The following TCF4 variants were observed in gnomAD, a reference collection of about 807,000 sequenced individuals.
TCF4 encodes transcription factor 4.
Under a neutral mutation model 82.1 loss-of-function variants are expected in TCF4, and 3 were observed. That is an observed-to-expected ratio of 0.04 (90% CI 0.02 to 0.09). The LOEUF (loss-of-function observed/expected upper bound fraction) is 0.09. Among genes scored for constraint, TCF4 ranks in the 10% least tolerant of loss-of-function variants. The pLI is 1.00. For synonymous variants in TCF4, 276 were observed against 309.6 expected, an observed-to-expected ratio of 0.89 and a Z score of 1.14; for missense variants, 518 against 852.7, an observed-to-expected ratio of 0.61 and a Z score of 4.89.
At chr18:55,560,957 T>C (rs919063563) in intron 3 of TCF4, among the ~76,000 whole-genome samples, 1 of 152,248 alleles carries the variant, frequency 6.6e-6, no homozygotes, top group Non-Finnish European at 1.5e-5. Flanking sequence ...CCCAAAGCAT[T>C]CCATGGTTCT....
intron 15 of TCF4, among the ~76,000 whole-genome samples, chr18:55,254,067 G>A (rs561017512): frequency 6.6e-6 from 1 of 152,270 alleles, no homozygotes; most frequent in African/African-American, 2.4e-5. Flanking sequence ...GCTCTAATAC[G>A]TGGCAAACTG....
intron 8 of TCF4, among the ~76,000 whole-genome samples, chr18:55,294,890 T>A (rs2066091767): frequency 6.6e-6 from 1 of 152,164 alleles, no homozygotes; most frequent in Non-Finnish European, 1.5e-5. Context: ...TCCGGATTTT[T>A]AAAATAACAG....
At chr18:55,384,824 A>G (rs1053909620) in intron 6 of TCF4, among the ~76,000 whole-genome samples, 4 of 152,070 alleles carry the variant, frequency 2.6e-5, no homozygotes, top group Admixed American at 6.6e-5. Flanking sequence ...GGGTCAGTGG[A>G]TGGGGATGGA....
At chr18:55,283,274 C>T (rs1158695964) in intron 8 of TCF4, among the ~76,000 whole-genome samples, 1 of 150,816 alleles carries the variant, frequency 6.6e-6, no homozygotes, top group Non-Finnish European at 1.5e-5. Context: ...TATTTCTGCA[C>T]TCATCAAAGA....
chr18:55,422,862 T>C (rs1298061489), intron 5 of TCF4, among the ~76,000 whole-genome samples: 2 of 152,142 alleles, frequency 1.3e-5, no homozygotes, highest in Non-Finnish European at 2.9e-5. Flanking sequence ...TTTATGATGA[T>C]GAATGCAGCT....
intron 15 of TCF4, among the ~76,000 whole-genome samples, chr18:55,250,391 C>A (rs2054636539): frequency 6.6e-6 from 1 of 152,150 alleles, no homozygotes; most frequent in Non-Finnish European, 1.5e-5. Flanking sequence ...TTTTGCCAAC[C>A]AACACTTATC....
At chr18:55,635,669 A>G (rs2097735659) in intron 1 of TCF4, 3 of 1,532,016 alleles carry the variant, frequency 2.0e-6, no homozygotes, top group Non-Finnish European at 1.8e-6. Flanking sequence ...AGTTTCTACT[A>G]AGATGCTAAA....
intron 11 of TCF4, chr18:55,266,845 G>A (rs1274381611): frequency 1.3e-5 from 2 of 152,268 alleles, no homozygotes; most frequent in Non-Finnish European, 2.9e-5. Flanking sequence ...GAGAACAGAA[G>A]AAGAAAGGGA....
Position 55,604,235 on chromosome 18 carries a change from T to A in TCF4, c.287-17099A>T, listed in dbSNP as rs111817970. On this transcript the variant is annotated intron_variant, in intron 2 of 20. Coordinates refer to the TCF4 transcript ENST00000398339. ...ACTTCATCAGTTTTTTGTTTTTTTT[T>A]AAAAAAAGCCGATTCTTCCCTTTTT... Among the ~76,000 whole-genome samples, 1,084 of 147,532 alleles carry A rather than the reference T, an allele frequency of 7.3e-3. 9 individuals carry two copies. The highest frequency in any genetic ancestry group is 0.029 in the East Asian group (149 of 5,054).
Position 55,403,695 on chromosome 18 carries a change from T to C in TCF4, c.305-177A>G, listed in dbSNP as rs769750748. On this transcript the variant is annotated intron_variant, in intron 5 of 19. Transcript: ENST00000354452. ...CTTCCTCACTCTGGCTATGATAAAC[T>C]GGAAAAAAATATCCTTCATTCCTAT... is the stretch of plus-strand genomic sequence containing the variant. 46 of 1,547,722 alleles carry C rather than the reference T, an allele frequency of 3.0e-5. No individual in the cohort carries two copies. The African/African-American group carries it at 5.3e-4, about 18-fold the overall frequency.
At chr18:55,586,180 CAGCAGCAGCAGCAGCAGCAGCAGCAGCAG>C (rs2097648179) in intron 2 of TCF4, 11 of 617,052 alleles carry the variant, frequency 1.8e-5, no homozygotes, top group Admixed American at 7.9e-5. Flanking sequence ...GCAGCAGCAG[CAGCAGCAGCAGCAGCAGCAGCAGCAGCAG>C]CAGCAGCAGC....
At chr18:55,542,816 T>C (rs1475863678) in intron 3 of TCF4, among the ~76,000 whole-genome samples, 1 of 152,042 alleles carries the variant, frequency 6.6e-6, no homozygotes, top group Non-Finnish European at 1.5e-5. Flanking sequence ...GTAAAATACA[T>C]TTAGAAAAAC....
At chr18:55,549,685 T>G (rs1040533738) in intron 3 of TCF4, among the ~76,000 whole-genome samples, 1 of 152,056 alleles carries the variant, frequency 6.6e-6, no homozygotes, top group Admixed American at 6.6e-5. Flanking sequence ...AGCCTTCTTC[T>G]GGAATCCCTC....
Position 55,224,111 on chromosome 18 carries a change from A to G in TCF4, c.*3924T>C, listed in dbSNP as rs1314160125. 1 of 151,612 alleles carries G rather than the reference A, an allele frequency of 6.6e-6. No individual in the cohort carries two copies. Among genetic ancestry groups the G allele is most frequent in the Non-Finnish European group, 1.5e-5 (1 of 67,916 alleles). The allele number at this position is 151,612 out of a possible 1,614,324, so 9.4% of individuals were successfully genotyped here. On this transcript the variant is annotated 3_prime_UTR_variant, in exon 20 of 20. Transcript: ENST00000354452. The stretch of plus-strand genomic sequence containing the variant: ...CTATTTTATAGCAAAAGAGCACTAG[A>G]CAAACAAAGCTTTATAACAAAAAGC...
intron 1 of TCF4, among the ~76,000 whole-genome samples, chr18:55,635,169 A>G (rs2097735082): frequency 1.3e-5 from 2 of 152,200 alleles, no homozygotes. Flanking sequence ...GAGCAGTGCA[A>G]AAGATTAGAC....
chr18:55,588,374 A>C (rs1603624949), upstream of TCF4: 47 of 1,523,014 alleles, frequency 3.1e-5, no homozygotes, highest in South Asian at 3.8e-4. Flanking sequence ...GCAGGCTAGG[A>C]TGCATCCCCC....
intron 3 of TCF4, among the ~76,000 whole-genome samples, chr18:55,516,280 C>T (rs903239376): frequency 4.6e-5 from 7 of 152,086 alleles, no homozygotes; most frequent in Non-Finnish European, 1.0e-4. Context: ...TTAACTTTTT[C>T]TATGACATAT....
At chr18:55,330,848 T>C (rs559566403) in intron 8 of TCF4, among the ~76,000 whole-genome samples, 1 of 152,240 alleles carries the variant, frequency 6.6e-6, no homozygotes, top group African/African-American at 2.4e-5. Context: ...ATTACAGACG[T>C]GAGCAACTGC....
chr18:55,353,231 G>C (rs2082681822), intron 6 of TCF4, among the ~76,000 whole-genome samples: 1 of 152,078 alleles, frequency 6.6e-6, no homozygotes, highest in Non-Finnish European at 1.5e-5. Flanking sequence ...ATAGAGCTGT[G>C]AAAAATATAA....
Sources: gnomAD v4.1 joint callset for allele counts (sites outside exome capture counted in the v4.1 genomes callset) on GRCh38, gnomAD v4.1.1 for gene constraint, MANE v1.5 for transcripts, NCBI Gene and HGNC (gene_info 2026-07-23, HGNC 2026-07-21) for gene names.